CDH12: variants seen among roughly 807,000 people sequenced by gnomAD.
The protein encoded by CDH12 is cadherin-12.
CDH12 carries 41 observed loss-of-function variants against 74.1 expected under a neutral mutation model. The ratio of observed to expected loss-of-function variants is 0.55; its 90% CI spans 0.43 to 0.72. CDH12 has a LOEUF of 0.72. Among genes scored for constraint, CDH12 ranks in the 30% least tolerant of loss-of-function variants. CDH12 has a pLI of 0.00. For missense variants in CDH12, 945 were observed against 977.2 expected, an observed-to-expected ratio of 0.97 and a Z score of 0.44; for synonymous variants, 399 against 355.0, an observed-to-expected ratio of 1.12 and a Z score of -1.39.
chr5:22,029,931 C>T (rs1419956171), intron 5 of CDH12, among the ~76,000 whole-genome samples: 6 of 151,746 alleles, frequency 4.0e-5, no homozygotes, highest in African/African-American at 1.5e-4. Flanking sequence ...TACTATGCAG[C>T]CATAAAAAAG....
chr5:21,785,489 G>T (rs530095466), intron 10 of CDH12, among the ~76,000 whole-genome samples: 1 of 152,330 alleles, frequency 6.6e-6, no homozygotes, highest in Admixed American at 6.5e-5. Flanking sequence ...AGTTGTGAAT[G>T]CAAAGGAAGA....
chr5:22,154,463 A>ATAGTG (rs770591710), intron 4 of CDH12, among the ~76,000 whole-genome samples: 2 of 702 alleles, frequency 2.8e-3, no homozygotes, highest in East Asian at 0.1. Context: ...ATGTACACAT[A>ATAGTG]TATATGTACA....
chr5:22,207,626 G>T (rs1751290059), intron 4 of CDH12, among the ~76,000 whole-genome samples: 1 of 152,176 alleles, frequency 6.6e-6, no homozygotes, highest in Non-Finnish European at 1.5e-5. Flanking sequence ...TCAAAGTAAA[G>T]AATTCAGTTG....
chr5:22,096,387 C>T (rs559834393), intron 4 of CDH12, among the ~76,000 whole-genome samples: 28 of 152,076 alleles, frequency 1.8e-4, no homozygotes, highest in African/African-American at 6.5e-4. Flanking sequence ...GCAACTCATC[C>T]CAAATCTTCC....
intron 9 of CDH12, among the ~76,000 whole-genome samples, chr5:21,807,154 T>A (rs1284861934): frequency 6.6e-6 from 1 of 152,124 alleles, no homozygotes; most frequent in Non-Finnish European, 1.5e-5. Flanking sequence ...CACCCAGATT[T>A]GTGGCATATG....
intron 9 of CDH12, among the ~76,000 whole-genome samples, chr5:21,803,768 T>C (rs1747267765): frequency 6.6e-6 from 1 of 152,136 alleles, no homozygotes; most frequent in African/African-American, 2.4e-5. Flanking sequence ...CCCCAGTAAG[T>C]TGCTAATTGC....
At chr5:22,194,308 C>CTT (rs59899245) in intron 4 of CDH12, among the ~76,000 whole-genome samples, 276 of 139,844 alleles carry the variant, frequency 2.0e-3, no homozygotes, top group African/African-American at 4.5e-3. Flanking sequence ...CTTTTTCTTT[C>CTT]TTTTTTTTTT....
Position 21,802,222 on chromosome 5 carries a change from T to C in CDH12, c.1201A>G (p.Thr401Ala). 4 of 1,613,892 alleles carry C rather than the reference T, an allele frequency of 2.5e-6. No homozygotes were observed. The highest frequency in any genetic ancestry group is 3.4e-6 in the Non-Finnish European group (4 of 1,179,926). Residue 401 changes from threonine (T) to alanine (A), a missense_variant, in exon 10 of 15, where the codon ACC (threonine) becomes GCC (alanine). Physicochemically the swap from Thr to Ala is moderately conservative, Grantham distance 58. Coordinates refer to ENST00000382254, the MANE Select transcript of CDH12 (RefSeq NM_004061.5). ...TGAGCAGTGACAGCGCCAATGATGG[T>C]CCCTACCGGAGTGTCTTCATAAACC... Reference protein sequence around the residue: ...MEVYEDTPVGTIIGAVTAQDL... With the variant: ...MEVYEDTPVGAIIGAVTAQDL...
At chr5:22,047,569 AGTAC>A in intron 5 of CDH12, among the ~76,000 whole-genome samples, 2 of 151,698 alleles carry the variant, frequency 1.3e-5, no homozygotes, top group African/African-American at 4.9e-5. Flanking sequence ...TCATGCATTG[AGTAC>A]ATCTTTCTGC....
At chr5:22,631,328 A>G (rs889632779) in intron 1 of CDH12, among the ~76,000 whole-genome samples, 5 of 152,212 alleles carry the variant, frequency 3.3e-5, no homozygotes, top group Non-Finnish European at 5.9e-5. Context: ...ATAAAGACAC[A>G]TGCATGTATA....
At chr5:21,957,316 T>G (rs1756145732) in intron 6 of CDH12, among the ~76,000 whole-genome samples, 1 of 152,192 alleles carries the variant, frequency 6.6e-6, no homozygotes, top group Non-Finnish European at 1.5e-5. Flanking sequence ...AAACTCTTAT[T>G]GATGAGCATT....
chr5:22,310,093 T>C (rs1489634027), intron 3 of CDH12, among the ~76,000 whole-genome samples: 4 of 151,954 alleles, frequency 2.6e-5, no homozygotes, highest in African/African-American at 7.3e-5. Context: ...GGCACATGTA[T>C]ACTTATGTAG....
intron 1 of CDH12, among the ~76,000 whole-genome samples, chr5:22,511,177 G>T (rs1325229701): frequency 6.6e-6 from 1 of 152,120 alleles, no homozygotes; most frequent in Non-Finnish European, 1.5e-5. Flanking sequence ...TTAGAGGCGT[G>T]AGCCACCATG....
chr5:22,213,818 C>A (rs1751684690), intron 3 of CDH12: 2 of 152,064 alleles, frequency 1.3e-5, no homozygotes, highest in Admixed American at 6.6e-5. Context: ...AGAAAGCTGA[C>A]GACTGTCCTC....
chr5:22,380,486 A>T (rs1429424349), intron 3 of CDH12, among the ~76,000 whole-genome samples: 2 of 152,148 alleles, frequency 1.3e-5, no homozygotes, highest in African/African-American at 4.8e-5. Context: ...TATTTTCAAC[A>T]TATACTTGTC....
At chr5:21,921,304 A>G (rs1375947391) in intron 6 of CDH12, among the ~76,000 whole-genome samples, 1 of 152,158 alleles carries the variant, frequency 6.6e-6, no homozygotes, top group East Asian at 1.9e-4. Flanking sequence ...TTATCTATAT[A>G]CTTGTCATAG....
chr5:22,804,163 A>G (rs114321737), intron 1 of CDH12, among the ~76,000 whole-genome samples: 389 of 152,286 alleles, frequency 2.6e-3, no homozygotes, highest in African/African-American at 9.0e-3. Flanking sequence ...TTTTTTGTCT[A>G]TAGTATTTGG....
chr5:22,464,798 T>C (rs1745658354), intron 2 of CDH12, among the ~76,000 whole-genome samples: 2 of 151,998 alleles, frequency 1.3e-5, no homozygotes, highest in Admixed American at 1.3e-4. Context: ...GGTCAGGAAT[T>C]GGACATCAGC....
intron 1 of CDH12, among the ~76,000 whole-genome samples, chr5:22,625,855 T>TC (rs953478248): frequency 2.6e-5 from 4 of 151,812 alleles, no homozygotes; most frequent in African/African-American, 7.3e-5. Flanking sequence ...ACTTTCAGCA[T>TC]CCCCCCCACA....
Sources: gnomAD v4.1 joint callset for allele counts (sites outside exome capture counted in the v4.1 genomes callset) on GRCh38, gnomAD v4.1.1 for gene constraint, MANE v1.5 for transcripts, NCBI Gene and HGNC (gene_info 2026-07-23, HGNC 2026-07-21) for gene names.